The following PIK3R5 variants were observed in gnomAD, a reference collection of about 807,000 sequenced individuals.
PIK3R5 encodes phosphoinositide-3-kinase regulatory subunit 5, also known as phosphoinositide 3-kinase regulatory subunit 5.
Under a neutral mutation model 94.9 loss-of-function variants are expected in PIK3R5, and 32 were observed. The ratio of observed to expected loss-of-function variants is 0.34; its 90% CI spans 0.25 to 0.45. The LOEUF (loss-of-function observed/expected upper bound fraction) is 0.45. PIK3R5 is among the 20% of genes least tolerant of loss of function. PIK3R5 has a pLI of 1.00. For synonymous variants in PIK3R5, 443 were observed against 479.4 expected, an observed-to-expected ratio of 0.92 and a Z score of 0.99; for missense variants, 853 against 1,144.6, an observed-to-expected ratio of 0.75 and a Z score of 3.68.
At chr17:8,927,691 C>A (rs2090912251) in intron 1 of PIK3R5, among the ~76,000 whole-genome samples, 1 of 152,178 alleles carries the variant, frequency 6.6e-6, no homozygotes, top group African/African-American at 2.4e-5. Context: ...CCTGTTAGAA[C>A]TTAGATATGT....
rs2090080143 is a variant in PIK3R5 at position 8,893,670 on chromosome 17, G to T, written c.413-15C>A. On this transcript the variant is annotated splice_polypyrimidine_tract_variant and intron_variant, in intron 5 of 18. Transcript: ENST00000447110. This position sits in a 1 kb window ranked among gnomAD's most constrained non-coding sequence, Gnocchi z 5.1. Reference sequence around the variant, plus strand: ...GTAGGAGATCCCTGTGGGTCAAGAAGAAAAGAGTTCATGGGCTGATCAGTT... The same window carrying T: ...GTAGGAGATCCCTGTGGGTCAAGAATAAAAGAGTTCATGGGCTGATCAGTT... 6.2e-7 allele frequency: 1 copy of T among 1,604,528 alleles called. No homozygotes were observed. The highest frequency in any genetic ancestry group is 8.5e-7 in the Non-Finnish European group (1 of 1,171,266).
At chr17:8,952,185 C>G (rs1022066997) in intron 1 of PIK3R5, among the ~76,000 whole-genome samples, 1 of 152,222 alleles carries the variant, frequency 6.6e-6, no homozygotes, top group Non-Finnish European at 1.5e-5. Context: ...CAGCTTGCTA[C>G]CTGAGACAGA....
Position 8,909,904 on chromosome 17 carries a change from G to A in PIK3R5, c.104-730C>T, listed in dbSNP as rs2090486419. ...AGAATACAGAGAGGAGCCACGGTGA[G>A]TTCCATCCCAAGACGCAAGACTGAG... On this transcript the variant is annotated intron_variant, in intron 2 of 18. Coordinates refer to ENST00000447110, the MANE Select transcript of PIK3R5 (RefSeq NM_001142633.3). The surrounding 1 kb of genome is among the most constrained non-coding windows in gnomAD (Gnocchi z 4.3). Among the ~76,000 whole-genome samples the A allele has an allele frequency of 1.3e-5, 2 of 152,238 alleles. No homozygotes were observed. Among genetic ancestry groups the A allele is most frequent in the African/African-American group, 2.4e-5 (1 of 41,470 alleles).
chr17:8,889,010 C>A lies in PIK3R5; in HGVS notation c.896-119G>T. 1.3e-6 allele frequency: 2 copies of A among 1,509,694 alleles called. No homozygotes were observed. Among genetic ancestry groups the A allele is most frequent in the Non-Finnish European group, 8.9e-7 (1 of 1,124,308 alleles). The allele number at this position is 1,509,694 out of a possible 1,614,324, so 93.5% of individuals were successfully genotyped here. On this transcript the variant is annotated intron_variant, in intron 9 of 18. Coordinates refer to ENST00000447110, the MANE Select transcript of PIK3R5 (RefSeq NM_001142633.3). The surrounding 1 kb of genome is among the most constrained non-coding windows in gnomAD (Gnocchi z 4.1). ...AGCCCAGGACTCCTAGCACTGCCCCCTTGCTCTGCTTAGAGCCTGCTCATG... is the reference window on the plus strand; with the variant it reads ...AGCCCAGGACTCCTAGCACTGCCCCATTGCTCTGCTTAGAGCCTGCTCATG...
At position 8,910,585 on chromosome 17, in the gene PIK3R5, G is replaced by C. The variant is rs79175361; in HGVS notation, c.103+807C>G. Among the ~76,000 whole-genome samples the C allele has an allele frequency of 6.5e-3, 996 of 152,280 alleles. 7 individuals are homozygous for C. Among genetic ancestry groups the C allele is most frequent in the African/African-American group, 0.019 (772 of 41,554 alleles). On this transcript the variant is annotated intron_variant, in intron 2 of 18. Coordinates refer to ENST00000447110, the MANE Select transcript of PIK3R5 (RefSeq NM_001142633.3). ...GGTCCTGGGAGGATAAGTGGCCTGCGCAGGGTTGTAAAGCCAATGGGAGAT... is the reference window on the plus strand; with the variant it reads ...GGTCCTGGGAGGATAAGTGGCCTGCCCAGGGTTGTAAAGCCAATGGGAGAT...
At position 8,924,081 on chromosome 17, in the gene PIK3R5, C is replaced by G. The variant is rs190945824; in HGVS notation, c.-13-12574G>C. On this transcript the variant is annotated intron_variant, in intron 1 of 18. Transcript: ENST00000447110. ...CCCCCCTCCCCTCCCTTCCCCTTCC[C>G]TTCCCTTTCCTTTTCAAGACAGGGT... 4.9e-3 allele frequency among the ~76,000 whole-genome samples: 611 copies of G among 124,876 alleles called. 8 individuals are homozygous for G. The highest frequency in any genetic ancestry group is 0.018 in the African/African-American group (589 of 32,612). The allele number at this position is 124,876 out of a possible 152,430, so 81.9% of individuals were successfully genotyped here. A position where few individuals can be genotyped will look rare whatever the true frequency, so the allele number is the denominator to read the frequency against.
At chr17:8,897,944 G>T (rs1163729349) in intron 5 of PIK3R5, among the ~76,000 whole-genome samples, 1 of 145,752 alleles carries the variant, frequency 6.9e-6, no homozygotes, top group Admixed American at 6.9e-5. Context: ...TGTGTGTGTG[G>T]TGTGTGTGTC....
chr17:8,902,029 T>A (rs2090294517), intron 5 of PIK3R5, among the ~76,000 whole-genome samples: 1 of 152,030 alleles, frequency 6.6e-6, no homozygotes, highest in South Asian at 2.1e-4. Flanking sequence ...TCACCAGCGC[T>A]GGCATTTTTG....
chr17:8,942,871 G>T (rs900420721), intron 1 of PIK3R5, among the ~76,000 whole-genome samples: 2 of 151,906 alleles, frequency 1.3e-5, no homozygotes, highest in Non-Finnish European at 2.9e-5. Flanking sequence ...CTCCCAAAGT[G>T]CTGGGATTAC....
At chr17:8,963,462 C>T (rs2091601101) in intron 1 of PIK3R5, among the ~76,000 whole-genome samples, 1 of 152,110 alleles carries the variant, frequency 6.6e-6, no homozygotes, top group Non-Finnish European at 1.5e-5. Flanking sequence ...CCAACATCAA[C>T]CCCAAATGCT....
At chr17:8,891,597 C>CTTTT (rs564434517) in intron 6 of PIK3R5, among the ~76,000 whole-genome samples, 1 of 140,584 alleles carries the variant, frequency 7.1e-6, no homozygotes, top group Non-Finnish European at 1.6e-5. Flanking sequence ...GAACCTTTCT[C>CTTTT]TTTTTTTTTT....
intron 5 of PIK3R5, among the ~76,000 whole-genome samples, chr17:8,897,946 GT>G (rs2090189160): frequency 6.6e-6 from 1 of 152,122 alleles, no homozygotes; most frequent in Non-Finnish European, 1.5e-5. Context: ...TGTGTGTGGT[GT>G]GTGTGTCTGT....
chr17:8,887,790 C>A, intron 10 of PIK3R5, 107 bp from the exon 11 acceptor site: 5 of 937,036 alleles, frequency 5.3e-6, no homozygotes, highest in South Asian at 1.6e-5. Flanking sequence ...GCCAGGAGTT[C>A]AAGACCAGCC....
chr17:8,965,001 C>CCCCACA (rs111241313), intron 1 of PIK3R5, among the ~76,000 whole-genome samples: 6 of 150,800 alleles, frequency 4.0e-5, no homozygotes, highest in South Asian at 4.2e-4. Context: ...ATGCGCATGC[C>CCCCACA]CACACACACA....
chr17:8,899,639 T>C (rs761778981), intron 5 of PIK3R5, among the ~76,000 whole-genome samples: 53 of 152,198 alleles, frequency 3.5e-4, no homozygotes, highest in Non-Finnish European at 3.8e-4. Flanking sequence ...CACTAAGTTA[T>C]TCAGCCTCTC....
In PIK3R5 at chr17:8,881,645, C is replaced by T; in HGVS notation, c.2367G>A (p.Lys789=). ...AAGCCCGTACCTGGTTAAAGCCCTT[C>T]TTGGATTTGGAGTTCTGCCTTTTCA... ...EVVKRQNSKS[K]KGFNQISTSQ... Residue 789 remains lysine (K), a synonymous_variant, in exon 17 of 19, where the codon AAG becomes AAA. Coordinates refer to ENST00000447110, the MANE Select transcript of PIK3R5 (RefSeq NM_001142633.3). This position sits in a 1 kb window ranked among gnomAD's most constrained non-coding sequence, Gnocchi z 4.8. The T allele has an allele frequency of 6.2e-7, 1 of 1,613,106 alleles. No homozygotes were observed. The highest frequency in any genetic ancestry group is 8.5e-7 in the Non-Finnish European group (1 of 1,179,430).
chr17:8,889,103 T>C lies in PIK3R5; in HGVS notation c.895+36A>G. 1 of 1,591,036 alleles carries C rather than the reference T, an allele frequency of 6.3e-7. No individual in the cohort carries two copies. Among genetic ancestry groups the C allele is most frequent in the Non-Finnish European group, 8.6e-7 (1 of 1,164,086 alleles). Reference sequence around the variant, plus strand: ...GACCAGAAACACAGCTCAGGCAGTGTGGGGCATGGGTGTCACCAGGGCCCC... The same window carrying C: ...GACCAGAAACACAGCTCAGGCAGTGCGGGGCATGGGTGTCACCAGGGCCCC... On this transcript the variant is annotated intron_variant, in intron 9 of 18. Transcript: ENST00000447110. This position sits in a 1 kb window ranked among gnomAD's most constrained non-coding sequence, Gnocchi z 4.1.
At chr17:8,897,128 A>G (rs1381331865) in intron 5 of PIK3R5, among the ~76,000 whole-genome samples, 1 of 152,132 alleles carries the variant, frequency 6.6e-6, no homozygotes, top group Non-Finnish European at 1.5e-5. Context: ...GAGAGGCTGG[A>G]GGAATTGGGG....
intron 12 of PIK3R5, among the ~76,000 whole-genome samples, chr17:8,886,882 C>T (rs1345508810): frequency 1.3e-5 from 2 of 152,182 alleles, no homozygotes; most frequent in Non-Finnish European, 2.9e-5. Flanking sequence ...CTTCTGAGGG[C>T]CCTCCTCCAT....
Sources: gnomAD v4.1 joint callset for allele counts (sites outside exome capture counted in the v4.1 genomes callset) on GRCh38, gnomAD v4.1.1 for gene constraint, Gnocchi (gnomAD v3.1) non-coding constraint, MANE v1.5 for transcripts, NCBI Gene and HGNC (gene_info 2026-07-23, HGNC 2026-07-21) for gene names.